The following TEX15 variants were observed in gnomAD, a reference collection of about 807,000 sequenced individuals.
The protein encoded by TEX15 is testis expressed 15, meiosis and synapsis associated.
In TEX15, 171 loss-of-function variants were observed where a neutral mutation model predicts 237.3. The ratio of observed to expected loss-of-function variants is 0.72; its 90% confidence interval spans 0.64 to 0.82. TEX15 has a LOEUF of 0.82. TEX15 is among the 40% of genes least tolerant of loss of function. The pLI is 0.00. For synonymous variants in TEX15, 1,338 were observed against 1,269.8 expected, an observed-to-expected ratio of 1.05 and a Z score of -1.14; for missense variants, 3,750 against 3,646.5, an observed-to-expected ratio of 1.03 and a Z score of -0.73.
chr8:30,895,750 G>A lies in TEX15; in HGVS notation c.-10+2992C>T, dbSNP rs146404157. Among the ~76,000 whole-genome samples, 58 of 139,596 alleles carry A rather than the reference G, an allele frequency of 4.2e-4. No homozygotes were observed. In the East Asian group the frequency reaches 8.6e-3, roughly 21 times the overall value. 91.6% of individuals were successfully genotyped at this position (139,596 alleles called of 152,430 possible). On this transcript the variant is annotated intron_variant, in intron 2 of 10. Coordinates refer to ENST00000643185, the MANE Select transcript of TEX15 (RefSeq NM_001350162.2). Reference sequence around the variant, plus strand: ...GGCTGGAGTGCAGTGGTGCGATCTCGGCTCACTGTAACCTCTGCCTCTCAG... The same window carrying A: ...GGCTGGAGTGCAGTGGTGCGATCTCAGCTCACTGTAACCTCTGCCTCTCAG...
chr8:30,843,966 T>C lies in TEX15; in HGVS notation c.6201A>G (p.Pro2067=), dbSNP rs1807524500. ...LWNNCKHTLK[P]CAVDTLVELQ... Reference sequence around the variant, plus strand: ...GTTCTACCAAAGTGTCAACAGCACATGGTTTTAATGTGTGTTTGCAATTAT... The same window carrying C: ...GTTCTACCAAAGTGTCAACAGCACACGGTTTTAATGTGTGTTTGCAATTAT... The change falls in exon 8 of 11, where the codon CCA becomes CCG. Residue 2067 remains proline (P), a synonymous_variant. Coordinates refer to ENST00000643185, the MANE Select transcript of TEX15 (RefSeq NM_001350162.2). 3.7e-6 allele frequency: 6 copies of C among 1,613,102 alleles called. No homozygotes were observed. Among genetic ancestry groups the C allele is most frequent in the African/African-American group, 1.3e-5 (1 of 75,026 alleles).
chr8:30,845,978 A>T lies in TEX15; in HGVS notation c.4189T>A (p.Ser1397Thr). Reference protein sequence around the residue: ...LKKAHRRVHTSLQLITKVGEE... With the variant: ...LKKAHRRVHTTLQLITKVGEE... ...CCTACTTTAGTTATAAGCTGCAAAGATGTGTGAACTCTTCTATGAGCTTTT... is the reference window on the plus strand; with the variant it reads ...CCTACTTTAGTTATAAGCTGCAAAGTTGTGTGAACTCTTCTATGAGCTTTT... Residue 1397 changes from serine to threonine, a missense_variant, in exon 8 of 11, where the codon TCT becomes ACT. Transcript: ENST00000643185. 6.2e-7 allele frequency: 1 copy of T among 1,612,950 alleles called. No individual in the cohort carries two copies. The highest frequency in any genetic ancestry group is 8.5e-7 in the Non-Finnish European group (1 of 1,179,514).
In TEX15 at chr8:30,867,451, G is replaced by A. The variant is rs1808197611; in HGVS notation, c.354C>T (p.Phe118=). The A allele has an allele frequency of 6.5e-7, 1 of 1,534,696 alleles. No homozygotes were observed. The highest frequency in any genetic ancestry group is 2.0e-5 in the Admixed American group (1 of 50,948). ...GRHCRELEEQ[F]CFLALPQSDV... ...CACTCTGGGGAAGTGCTAAAAAGCA[G>A]AACTGTTCTTCAAGTTCCCTGCAAT... Residue 118 remains phenylalanine (F), a synonymous_variant, in exon 5 of 11, where the codon TTC becomes TTT. Transcript: ENST00000643185.
Position 30,842,224 on chromosome 8 carries a change from A to G in TEX15, c.7943T>C (p.Ile2648Thr). ...LCQMLYNRRKILQLKRKEKMN... is the reference protein window; with the variant it reads ...LCQMLYNRRKTLQLKRKEKMN... ...TTTTTCTTTTCTCTTCAGCTGTAAA[A>G]TCTTCCTTCTGTTATACAGCATTTG... Residue 2648 changes from isoleucine (I) to threonine (T), a missense_variant, in exon 8 of 11, where the codon ATT becomes ACT. Ile to Thr is a moderately conservative substitution (Grantham distance 89, BLOSUM62 -1). Transcript: ENST00000643185. The G allele has an allele frequency of 6.2e-7, 1 of 1,612,608 alleles. No individual in the cohort carries two copies. Among genetic ancestry groups the G allele is most frequent in the Non-Finnish European group, 8.5e-7 (1 of 1,179,478 alleles).
intron 2 of TEX15, among the ~76,000 whole-genome samples, chr8:30,893,439 C>A (rs1042573046): frequency 6.6e-6 from 1 of 152,196 alleles, no homozygotes; most frequent in Non-Finnish European, 1.5e-5. Context: ...CAATGACTTA[C>A]GGTTTTGTTT....
rs758614492 is a variant in TEX15 at position 30,843,214 on chromosome 8, A to G, written c.6953T>C (p.Leu2318Ser). The G allele has an allele frequency of 6.8e-6, 11 of 1,613,408 alleles. No homozygotes were observed. Among genetic ancestry groups the G allele is most frequent in the Non-Finnish European group, 9.3e-6 (11 of 1,179,680 alleles). ...TGGTTCATTGTTTAAATCTTTAGACAAAGTATCATATATCTTCTGCAACTT... is the reference window on the plus strand; with the variant it reads ...TGGTTCATTGTTTAAATCTTTAGACGAAGTATCATATATCTTCTGCAACTT... ...FSKLQKIYDT[L>S]SKDLNNEPIS... Residue 2318 changes from leucine (L) to serine (S), a missense_variant, in exon 8 of 11, where the codon TTG (leucine) becomes TCG (serine). Transcript: ENST00000643185.
At chr8:30,912,144 G>A (rs1468599387) in intron 1 of TEX15, among the ~76,000 whole-genome samples, 2 of 152,108 alleles carry the variant, frequency 1.3e-5, no homozygotes, top group Admixed American at 6.5e-5. Flanking sequence ...CTCACCTACC[G>A]AGGCTCCCCC....
intron 2 of TEX15, among the ~76,000 whole-genome samples, chr8:30,892,313 T>TTCTGGGC (rs1808809858): frequency 6.6e-6 from 1 of 152,228 alleles, no homozygotes; most frequent in Non-Finnish European, 1.5e-5. Flanking sequence ...TATGTATGAA[T>TTCTGGGC]TCTGGGCTCT....
intron 10 of TEX15, among the ~76,000 whole-genome samples, chr8:30,835,929 A>G (rs971030384): frequency 6.6e-6 from 1 of 152,174 alleles, no homozygotes; most frequent in African/African-American, 2.4e-5. Context: ...TGTTTTGTCT[A>G]ATTGAAATTT....
chr8:30,911,406 C>A (rs1468105118), intron 1 of TEX15, among the ~76,000 whole-genome samples: 1 of 152,202 alleles, frequency 6.6e-6, no homozygotes, highest in Non-Finnish European at 1.5e-5. Flanking sequence ...CCCGCCTTGG[C>A]CTCCCAAAAT....
intron 4 of TEX15, among the ~76,000 whole-genome samples, chr8:30,873,164 C>G (rs575241677): frequency 2.0e-5 from 3 of 152,198 alleles, no homozygotes; most frequent in African/African-American, 7.2e-5. Flanking sequence ...ACTTACTAGG[C>G]AGAAAATATT....
intron 3 of TEX15, among the ~76,000 whole-genome samples, chr8:30,879,613 C>A (rs1455210728): frequency 6.6e-6 from 1 of 152,208 alleles, no homozygotes; most frequent in Non-Finnish European, 1.5e-5. Context: ...TTTTCGGAAT[C>A]TTTATTCTGT....
In TEX15 at chr8:30,837,841, A is replaced by C. The variant is rs1210882937; in HGVS notation, c.8443T>G (p.Leu2815Val). 1.2e-6 allele frequency: 2 copies of C among 1,614,030 alleles called. No individual in the cohort carries two copies. Among genetic ancestry groups the C allele is most frequent in the Non-Finnish European group, 1.7e-6 (2 of 1,180,004 alleles). ...ACATTTCTTTTCTTCATGCTATTTA[A>C]ATTTTCCTGTTGTCCACTGAAGTGA... Reference protein sequence around the residue: ...SDHFSGQQENLNSMKKRNVNF... With the variant: ...SDHFSGQQENVNSMKKRNVNF... The change falls in exon 10 of 11, where the codon TTA (leucine) becomes GTA (valine). Residue 2815 changes from leucine (L) to valine (V), a missense_variant. Transcript: ENST00000643185.
chr8:30,875,828 T>C (rs953307957), intron 3 of TEX15, among the ~76,000 whole-genome samples: 1 of 151,836 alleles, frequency 6.6e-6, no homozygotes, highest in Non-Finnish European at 1.5e-5. Context: ...TTTTTTTCCT[T>C]AGAGACAGGC....
intron 1 of TEX15, among the ~76,000 whole-genome samples, chr8:30,902,239 T>TC (rs1017027494): frequency 2.0e-5 from 3 of 151,448 alleles, no homozygotes; most frequent in East Asian, 3.9e-4. Flanking sequence ...TTTTTTTTTT[T>TC]CCTTAATGTA....
Position 30,842,995 on chromosome 8 carries a change from G to A in TEX15, c.7172C>T (p.Thr2391Ile). The A allele has an allele frequency of 6.2e-7, 1 of 1,613,248 alleles. No individual in the cohort carries two copies. The highest frequency in any genetic ancestry group is 8.5e-7 in the Non-Finnish European group (1 of 1,179,670). Residue 2391 changes from threonine to isoleucine, a missense_variant, in exon 8 of 11, where the codon ACC becomes ATC. Transcript: ENST00000643185. ...FADLKKLQDL[T>I]LRCTDHLEIL... ...TTCTAAGTGATCTGTACATCTCAAG[G>A]TGAGATCCTGTAATTTTTTAAGGTC...
Position 30,844,760 on chromosome 8 carries a change from T to C in TEX15, c.5407A>G (p.Lys1803Glu). ...TCCACTATATTTTCCCCATAACTTT[T>C]ATCTTCTTCAGTTCCTGATGCTACA... ...LDVASGTEED[K>E]SYGENIVELS... The change falls in exon 8 of 11, where the codon AAA becomes GAA. Residue 1803 changes from lysine (K) to glutamate (E), a missense_variant. Coordinates refer to ENST00000643185, the MANE Select transcript of TEX15 (RefSeq NM_001350162.2). 8.7e-6 allele frequency: 14 copies of C among 1,613,424 alleles called. No individual in the cohort carries two copies. Among genetic ancestry groups the C allele is most frequent in the Non-Finnish European group, 1.1e-5 (13 of 1,179,580 alleles).
At chr8:30,911,315 C>A (rs1563282925) in intron 1 of TEX15, among the ~76,000 whole-genome samples, 1 of 152,086 alleles carries the variant, frequency 6.6e-6, no homozygotes, top group Non-Finnish European at 1.5e-5. Context: ...ATTACTACTA[C>A]TATTATTATT....
chr8:30,884,192 T>A (rs1808597527), intron 3 of TEX15, among the ~76,000 whole-genome samples: 1 of 152,228 alleles, frequency 6.6e-6, no homozygotes, highest in East Asian at 1.9e-4. Flanking sequence ...TTTCTTGACT[T>A]TTCAATAACT....
Sources: gnomAD v4.1 joint callset for allele counts (sites outside exome capture counted in the v4.1 genomes callset) on GRCh38, gnomAD v4.1.1 for gene constraint, MANE v1.5 for transcripts, NCBI Gene and HGNC (gene_info 2026-07-23, HGNC 2026-07-21) for gene names.